KCND2: variants seen among roughly 807,000 people sequenced by gnomAD.
KCND2 encodes the protein potassium voltage-gated channel subfamily D member 2.
KCND2 carries 16 observed loss-of-function variants against 54.4 expected under a neutral mutation model. The ratio of observed to expected loss-of-function variants is 0.29; its 90% confidence interval spans 0.20 to 0.45. The LOEUF (loss-of-function observed/expected upper bound fraction) is 0.45. Among genes scored for constraint, KCND2 ranks in the 20% least tolerant of loss-of-function variants. The probability of loss-of-function intolerance (pLI) is 1.00; values close to 1 mark genes in which losing one functional copy is unlikely to be tolerated. For synonymous variants in KCND2, 317 were observed against 310.7 expected, an observed-to-expected ratio of 1.02 and a Z score of -0.21; for missense variants, 486 against 824.2, an observed-to-expected ratio of 0.59 and a Z score of 5.02.
Position 120,482,060 on chromosome 7 carries a change from G to T in KCND2, c.1115+206313G>T, listed in dbSNP as rs1216892333. Among the ~76,000 whole-genome samples, 3 of 152,258 alleles carry T rather than the reference G, an allele frequency of 2.0e-5. No homozygotes were observed. In the East Asian group the frequency reaches 5.8e-4, roughly 29 times the overall value. ...GACTGAGTCCAGCAAAGCTATAGGG[G>T]CAGGGTTGCCTGAGGCCTTTGGGGT... On this transcript the variant is annotated intron_variant, in intron 1 of 5. Transcript: ENST00000331113.
rs548177663 is a variant in KCND2 at position 120,307,904 on chromosome 7, G to A, written c.1115+32157G>A. Among the ~76,000 whole-genome samples, 4 of 152,110 alleles carry A rather than the reference G, an allele frequency of 2.6e-5. No homozygotes were observed. The East Asian group carries it at 7.7e-4, about 29-fold the overall frequency. ...TAATAGGAAATAACTGCTTTTTTGT[G>A]AAGTCGTAAATAATATGGCAGAAGG... On this transcript the variant is annotated intron_variant, in intron 1 of 5. Coordinates refer to ENST00000331113, the MANE Select transcript of KCND2 (RefSeq NM_012281.3).
At chr7:120,468,043 A>G (rs1198254831) in intron 1 of KCND2, among the ~76,000 whole-genome samples, 1 of 152,154 alleles carries the variant, frequency 6.6e-6, no homozygotes, top group Non-Finnish European at 1.5e-5. Flanking sequence ...AGTTACATTC[A>G]TGAAGGTAGG....
chr7:120,576,226 A>G (rs1401316235), intron 1 of KCND2, among the ~76,000 whole-genome samples: 1 of 152,214 alleles, frequency 6.6e-6, no homozygotes, highest in Non-Finnish European at 1.5e-5. Flanking sequence ...AGCAAAGATG[A>G]AAAATTTTTG....
chr7:120,566,252 A>G (rs1792295765), intron 1 of KCND2, among the ~76,000 whole-genome samples: 2 of 152,214 alleles, frequency 1.3e-5, no homozygotes. Flanking sequence ...CATTATTCTA[A>G]ATTGCTTTAG....
At chr7:120,310,061 C>T (rs923376060) in intron 1 of KCND2, among the ~76,000 whole-genome samples, 3 of 152,180 alleles carry the variant, frequency 2.0e-5, no homozygotes, top group Admixed American at 6.5e-5. Context: ...GAGTACTTTA[C>T]TTCCATGCTT....
intron 1 of KCND2, among the ~76,000 whole-genome samples, chr7:120,417,984 C>T (rs1489403004): frequency 6.6e-6 from 1 of 152,176 alleles, no homozygotes; most frequent in Non-Finnish European, 1.5e-5. Context: ...AAAAAACCCA[C>T]TAAATATCCA....
intron 1 of KCND2, among the ~76,000 whole-genome samples, chr7:120,702,485 G>A (rs1792415606): frequency 6.6e-6 from 1 of 152,110 alleles, no homozygotes; most frequent in Admixed American, 6.6e-5. Flanking sequence ...AAAGACACAT[G>A]CACGTGAATG....
chr7:120,519,742 A>G (rs552738110), intron 1 of KCND2, among the ~76,000 whole-genome samples: 310 of 152,296 alleles, frequency 2.0e-3, no homozygotes, highest in Non-Finnish European at 4.0e-3. Context: ...TATAGCCACC[A>G]TAATTTAATG....
intron 1 of KCND2, among the ~76,000 whole-genome samples, chr7:120,292,315 CCTAA>C (rs1799447262): frequency 6.6e-6 from 1 of 151,692 alleles, no homozygotes; most frequent in Non-Finnish European, 1.5e-5. Flanking sequence ...CTGTCTTTGT[CCTAA>C]CTGATATTAA....
chr7:120,314,826 A>G (rs1243390750), intron 1 of KCND2, among the ~76,000 whole-genome samples: 3 of 152,216 alleles, frequency 2.0e-5, no homozygotes, highest in African/African-American at 7.2e-5. Context: ...ATATGAAAGT[A>G]TACAAAATGT....
rs565194273 is a variant in KCND2 at position 120,315,373 on chromosome 7, A to G, written c.1115+39626A>G. Among the ~76,000 whole-genome samples, 247 of 152,270 alleles carry G rather than the reference A, an allele frequency of 1.6e-3. 2 individuals are homozygous for G. Among genetic ancestry groups the G allele is most frequent in the African/African-American group, 5.7e-3 (237 of 41,550 alleles). On this transcript the variant is annotated intron_variant, in intron 1 of 5. Coordinates refer to ENST00000331113, the MANE Select transcript of KCND2 (RefSeq NM_012281.3). Reference sequence around the variant, plus strand: ...CTGAAAAATCCTTTTTCTACATAGCATGGATGCTTCTCAGTGTCTCTAGGC... The same window carrying G: ...CTGAAAAATCCTTTTTCTACATAGCGTGGATGCTTCTCAGTGTCTCTAGGC...
chr7:120,651,815 T>A, intron 1 of KCND2, among the ~76,000 whole-genome samples: 1 of 152,240 alleles, frequency 6.6e-6, no homozygotes, highest in African/African-American at 2.4e-5. Flanking sequence ...AAGTCACATT[T>A]ACCTCCACCT....
intron 1 of KCND2, among the ~76,000 whole-genome samples, chr7:120,330,629 C>T (rs1481219528): frequency 6.9e-6 from 1 of 144,166 alleles, no homozygotes; most frequent in Non-Finnish European, 1.5e-5. Flanking sequence ...TTACTCTTCT[C>T]AATATAGTCC....
At chr7:120,633,428 C>T (rs185595720) in intron 1 of KCND2, among the ~76,000 whole-genome samples, 35 of 152,228 alleles carry the variant, frequency 2.3e-4, no homozygotes, top group Admixed American at 1.8e-3. Context: ...AACTGTAAGG[C>T]CAGCATTTAG....
chr7:120,426,555 A>T (rs1801708698), intron 1 of KCND2, among the ~76,000 whole-genome samples: 1 of 151,004 alleles, frequency 6.6e-6, no homozygotes, highest in Admixed American at 6.6e-5. Flanking sequence ...CTGTTGTAAA[A>T]GCCGATGTAC....
At chr7:120,376,077 C>A (rs1263164659) in intron 1 of KCND2, among the ~76,000 whole-genome samples, 1 of 151,634 alleles carries the variant, frequency 6.6e-6, no homozygotes, top group Non-Finnish European at 1.5e-5. Context: ...TGCTTATCTC[C>A]CAGTCAAGAA....
chr7:120,299,131 G>A (rs1282100959), intron 1 of KCND2, among the ~76,000 whole-genome samples: 2 of 152,254 alleles, frequency 1.3e-5, no homozygotes, highest in East Asian at 3.9e-4. Flanking sequence ...CAGCACTCCA[G>A]CCTGGGCAAT....
rs571472146 is a variant in KCND2, at chr7:120,748,302, A to G, written c.*444A>G. 1.9e-4 allele frequency: 31 copies of G among 160,164 alleles called. No individual in the cohort carries two copies. The South Asian group carries it at 2.0e-3, about 10-fold the overall frequency. 9.9% of individuals were successfully genotyped at this position (160,164 alleles called of 1,614,324 possible). A position where few individuals can be genotyped will look rare whatever the true frequency, so the allele number is the denominator to read the frequency against. On this transcript the variant is annotated 3_prime_UTR_variant, in exon 6 of 6. Transcript: ENST00000331113. ...CATATGAAAAAAAAACTCACACAAC[A>G]TATTTGTATTGACTGAAGGAAACCA... is the stretch of plus-strand genomic sequence containing the variant.
At chr7:120,499,365 T>G (rs542344353) in intron 1 of KCND2, among the ~76,000 whole-genome samples, 1 of 152,288 alleles carries the variant, frequency 6.6e-6, no homozygotes, top group East Asian at 1.9e-4. Context: ...CATTTCATTT[T>G]ATATTTAAAT....
Sources: gnomAD v4.1 joint callset for allele counts (sites outside exome capture counted in the v4.1 genomes callset) on GRCh38, gnomAD v4.1.1 for gene constraint, MANE v1.5 for transcripts, NCBI Gene and HGNC (gene_info 2026-07-23, HGNC 2026-07-21) for gene names.